The following CATSPERG variants were observed in gnomAD, a reference collection of about 807,000 sequenced individuals.
The protein encoded by CATSPERG is cation channel sperm-associated auxiliary subunit gamma.
A neutral mutation model predicts 145.0 loss-of-function variants in CATSPERG; 115 were observed. The observed-to-expected ratio is 0.79, with a 90% confidence interval of 0.68 to 0.93. The LOEUF is 0.93. CATSPERG is among the 40% of genes least tolerant of loss of function. The pLI is 0.00. For synonymous variants in CATSPERG, 588 were observed against 589.0 expected, an observed-to-expected ratio of 1.00 and a Z score of 0.02; for missense variants, 1,296 against 1,490.1, an observed-to-expected ratio of 0.87 and a Z score of 2.14.
intron 7 of CATSPERG, chr19:38,348,944 A>G (rs1363907069): frequency 6.6e-6 from 1 of 152,114 alleles, no homozygotes; most frequent in African/African-American, 2.4e-5. Flanking sequence ...TGCAACCACC[A>G]CCACTATCTA....
rs529056679 is a variant in CATSPERG, at chr19:38,356,253, C to T, written c.1136-231C>T. Among the ~76,000 whole-genome samples the T allele has an allele frequency of 3.9e-5, 6 of 152,216 alleles. No individual in the cohort carries two copies. In the East Asian group the frequency reaches 7.7e-4, roughly 20 times the overall value. ...CACAAATCCCAGAGTAAACTCTGAT[C>T]GGCCCACCGTGGGTCACATGGCCAG... On this transcript the variant is annotated intron_variant, in intron 9 of 28. Coordinates refer to ENST00000409235, the MANE Select transcript of CATSPERG (RefSeq NM_021185.5).
At chr19:38,344,215 TGGGGAGAGGAG>T in intron 5 of CATSPERG, 70 bp from the exon 6 acceptor site, 1 of 1,539,774 alleles carries the variant, frequency 6.5e-7, no homozygotes, top group African/African-American at 1.4e-5. Flanking sequence ...AGGGAGAGAA[TGGGGAGAGGAG>T]AGGCAGCTAC....
chr19:38,354,240 C>T (rs1212099949), intron 8 of CATSPERG, among the ~76,000 whole-genome samples: 3 of 152,128 alleles, frequency 2.0e-5, no homozygotes, highest in Admixed American at 6.6e-5. Context: ...TATTGGCTTC[C>T]GTGGCTGAAA....
Position 38,358,259 on chromosome 19 carries a change from G to A in CATSPERG, c.1316-19G>A, listed in dbSNP as rs1395647867. On this transcript the variant is annotated intron_variant, in intron 11 of 28. Coordinates refer to ENST00000409235, the MANE Select transcript of CATSPERG (RefSeq NM_021185.5). ...GTGCAGGGCCTCAGGAGATTTTGCTGTGTTCTCCCCACCTGTAGCTAGTGA... is the reference window on the plus strand; with the variant it reads ...GTGCAGGGCCTCAGGAGATTTTGCTATGTTCTCCCCACCTGTAGCTAGTGA... 3.1e-6 allele frequency: 5 copies of A among 1,613,970 alleles called. No individual in the cohort carries two copies. The highest frequency in any genetic ancestry group is 3.3e-5 in the Admixed American group (2 of 60,010).
chr19:38,362,552 G>C lies in CATSPERG; in HGVS notation c.2334G>C (p.Ser778=), dbSNP rs1386349482. The C allele has an allele frequency of 1.9e-6, 3 of 1,613,884 alleles. No homozygotes were observed. Among genetic ancestry groups the C allele is most frequent in the East Asian group, 2.2e-5 (1 of 44,882 alleles). ...TCTTCCTGTCGGCGCAGGGCCACTCGTTCCGGACGCAGTCAGAACTCGGTC... is the reference window on the plus strand; with the variant it reads ...TCTTCCTGTCGGCGCAGGGCCACTCCTTCCGGACGCAGTCAGAACTCGGTC... ...FAIFLSAQGH[S]FRTQSELGTA... The change falls in exon 19 of 29, where the codon TCG becomes TCC. Residue 778 remains serine, a synonymous_variant. Coordinates refer to ENST00000409235, the MANE Select transcript of CATSPERG (RefSeq NM_021185.5).
chr19:38,337,089 G>A (rs748822132), intron 1 of CATSPERG, 132 bp from the exon 2 acceptor site: 112 of 1,118,196 alleles, frequency 1.0e-4, no homozygotes, highest in Admixed American at 2.5e-4. Flanking sequence ...AAGTGCAGGG[G>A]CGGGGCCAGG....
intron 8 of CATSPERG, chr19:38,352,633 TTC>T: frequency 1.8e-6 from 1 of 564,122 alleles, no homozygotes; most frequent in Non-Finnish European, 3.1e-6. Flanking sequence ...GGGATGAGGC[TTC>T]CACCCAGACC....
At chr19:38,347,940 C>CAAA (rs887808428) in intron 7 of CATSPERG, among the ~76,000 whole-genome samples, 1 of 102,564 alleles carries the variant, frequency 9.8e-6, no homozygotes, top group African/African-American at 3.6e-5. Context: ...GACTCTGTCT[C>CAAA]AAAAAAAAAA....
At chr19:38,355,487 A>G (rs1383701317) in intron 9 of CATSPERG, among the ~76,000 whole-genome samples, 2 of 152,256 alleles carry the variant, frequency 1.3e-5, no homozygotes, top group South Asian at 2.1e-4. Flanking sequence ...ACCTGAGGTC[A>G]GGAGTTCGAG....
At chr19:38,364,791 C>A in intron 20 of CATSPERG, 100 bp from the exon 21 acceptor site, 1 of 936,734 alleles carries the variant, frequency 1.1e-6, no homozygotes, top group Non-Finnish European at 1.7e-6. Flanking sequence ...TCCTACCAGC[C>A]ACCACCTCGC....
At chr19:38,353,203 G>A (rs962728107) in intron 8 of CATSPERG, among the ~76,000 whole-genome samples, 28 of 151,498 alleles carry the variant, frequency 1.8e-4, no homozygotes, top group African/African-American at 6.6e-4. Flanking sequence ...GCATTGTGGT[G>A]GGCACCTGTT....
intron 3 of CATSPERG, among the ~76,000 whole-genome samples, chr19:38,338,947 C>T (rs977524717): frequency 6.6e-6 from 1 of 151,758 alleles, no homozygotes; most frequent in Non-Finnish European, 1.5e-5. Context: ...AACACCAGGT[C>T]GGGGGGAGGG....
Position 38,370,836 on chromosome 19 carries a change from T to G in CATSPERG, c.*44T>G. On this transcript the variant is annotated 3_prime_UTR_variant, in exon 29 of 29. Transcript: ENST00000409235. ...CCCCCAGTTACTGTCACGCCTCTCT[T>G]ATGAGGCCCATCTTGAAGATGCAAC... The G allele has an allele frequency of 1.3e-6, 2 of 1,591,172 alleles. No individual in the cohort carries two copies. The highest frequency in any genetic ancestry group is 1.9e-4 in the Middle Eastern group (1 of 5,322).
chr19:38,370,431 C>A, intron 28 of CATSPERG, 95 bp from the exon 29 acceptor site: 1 of 1,538,562 alleles, frequency 6.5e-7, no homozygotes, highest in Non-Finnish European at 8.9e-7. Flanking sequence ...GCTGTCATGC[C>A]TCCATCTGTC....
At chr19:38,364,706 G>A (rs11668651) in intron 20 of CATSPERG, among the ~76,000 whole-genome samples, 185 bp from the exon 21 acceptor site, 23,784 of 152,282 alleles carry the variant, frequency 0.16, 2,022 homozygotes, top group Admixed American at 0.21. Flanking sequence ...GATCACTCGC[G>A]GTTAGGAGCT....
intron 3 of CATSPERG, 122 bp from the exon 4 acceptor site, chr19:38,343,458 A>C: frequency 1.1e-6 from 1 of 870,196 alleles, no homozygotes; most frequent in Non-Finnish European, 1.7e-6. Context: ...TCTGACCATC[A>C]CATGGTGGAC....
intron 9 of CATSPERG, among the ~76,000 whole-genome samples, chr19:38,355,206 G>A (rs550483398): frequency 3.3e-5 from 5 of 151,292 alleles, no homozygotes; most frequent in Admixed American, 1.3e-4. Context: ...TTAGTTGGGC[G>A]TGGTGGCAGG....
chr19:38,364,651 A>C (rs1393419298), intron 20 of CATSPERG, among the ~76,000 whole-genome samples: 1 of 152,262 alleles, frequency 6.6e-6, no homozygotes, highest in Non-Finnish European at 1.5e-5. Flanking sequence ...TGAGTGAACC[A>C]GACTCCGTCT....
intron 3 of CATSPERG, 43 bp downstream of exon 3, chr19:38,337,689 G>C (rs1002439178): frequency 3.6e-5 from 53 of 1,466,208 alleles, no homozygotes; most frequent in Non-Finnish European, 4.7e-5. Context: ...ATGAGCCTTG[G>C]TTTTCCCACC....
Sources: gnomAD v4.1 joint callset for allele counts (sites outside exome capture counted in the v4.1 genomes callset) on GRCh38, gnomAD v4.1.1 for gene constraint, MANE v1.5 for transcripts, NCBI Gene and HGNC (gene_info 2026-07-23, HGNC 2026-07-21) for gene names.